CHD8: variants seen among roughly 807,000 people sequenced by gnomAD.
CHD8 encodes the protein ATP-dependent chromatin remodeler CHD8.
CHD8 carries 31 observed loss-of-function variants against 279.2 expected under a neutral mutation model. That is an observed-to-expected ratio of 0.11 (90% CI 0.08 to 0.15). CHD8 has a LOEUF of 0.15. CHD8 is among the 10% of genes least tolerant of loss of function. The pLI is 1.00. For missense variants in CHD8, 2,146 were observed against 3,230.5 expected (o/e 0.66, Z 8.14); for synonymous variants, 1,081 against 1,139.6 (o/e 0.95, Z 1.04).
In CHD8 at chr14:21,408,497, A is replaced by C. The variant is rs1594351102; in HGVS notation, c.2545T>G (p.Phe849Val). Residue 849 changes from phenylalanine to valine, a missense_variant, in exon 13 of 38, where the codon TTC becomes GTC. By Grantham distance (50) the Phe-to-Val change is conservative (BLOSUM62 -1). Transcript: ENST00000646647. The surrounding 1 kb of genome is among the most constrained non-coding windows in gnomAD (Gnocchi z 4.3). ...CCCACATTATATACTTCCTGCAAGAAGGCAATGGACTGAATAGTTTTGCCC... is the reference window on the plus strand; with the variant it reads ...CCCACATTATATACTTCCTGCAAGACGGCAATGGACTGAATAGTTTTGCCC... ...GLGKTIQSIA[F>V]LQEVYNVGIH... is the part of the protein sequence containing the mutation. The C allele has an allele frequency of 6.2e-7, 1 of 1,613,984 alleles. No individual in the cohort carries two copies.
chr14:21,394,509 C>T, intron 30 of CHD8, 24 bp from the exon 31 acceptor site: 2 of 1,349,396 alleles, frequency 1.5e-6, no homozygotes, highest in Non-Finnish European at 2.0e-6. Context: ...AGTAGGGCAA[C>T]AATAATCAGA....
rs766694680 is a variant in CHD8, at chr14:21,390,979, C to T, written c.7150G>A (p.Val2384Ile). The part of the protein sequence containing the change: ...AELNCLGMEP[V>I]QTANSRNGKK... ...CCATTTCTAGAGTTAGCTGTCTGTA[C>T]TGGTTCCATTCCCAAACAGTTCAAT... The change falls in exon 37 of 38, where the codon GTA becomes ATA. Residue 2384 changes from valine (V) to isoleucine (I), a missense_variant. Transcript: ENST00000646647. The T allele has an allele frequency of 3.1e-6, 5 of 1,603,928 alleles. No individual in the cohort carries two copies. The highest frequency in any genetic ancestry group is 3.4e-5 in the Admixed American group (2 of 58,872).
rs1085307545 is a variant in CHD8, at chr14:21,414,344, C to T, written c.2099G>A (p.Arg700His). Residue 700 changes from arginine to histidine, a missense_variant, in exon 9 of 38, where the codon CGC becomes CAC. By Grantham distance (29) the Arg-to-His change is conservative. Around this residue, in one of 26 missense-constraint regions of CHD8, gnomAD observed 211 missense variants for 464.7 expected, o/e 0.45. Coordinates refer to ENST00000646647, the MANE Select transcript of CHD8 (RefSeq NM_001170629.2). ...CATCTGAGCCATTTTGGTTTTGAAG[C>T]GCTTTAATTTTTGATGTATCCTCTT... ...KDKRIHQKLKRFKTKMAQMRH... is the reference protein window; with the variant it reads ...KDKRIHQKLKHFKTKMAQMRH... 2 of 1,575,654 alleles carry T rather than the reference C, an allele frequency of 1.3e-6. No homozygotes were observed. Among genetic ancestry groups the T allele is most frequent in the Non-Finnish European group, 1.7e-6 (2 of 1,157,886 alleles).
Position 21,428,142 on chromosome 14 carries a change from T to C in CHD8, c.1328A>G (p.Lys443Arg), listed in dbSNP as rs1482538518. Residue 443 changes from lysine to arginine, a missense_variant, in exon 4 of 38, where the codon AAG becomes AGG. Lys to Arg is a conservative substitution (Grantham distance 26, BLOSUM62 2). Coordinates refer to ENST00000646647, the MANE Select transcript of CHD8 (RefSeq NM_001170629.2). ...TCTGCGGTTTTCCTCCATTCCTGTCTTTCCCCCCGAATGAGGAGCAGAGCT... is the reference window on the plus strand; with the variant it reads ...TCTGCGGTTTTCCTCCATTCCTGTCCTTCCCCCCGAATGAGGAGCAGAGCT... ...PASSAPHSGG[K>R]TGMEENRRLE... 2 of 1,613,898 alleles carry C rather than the reference T, an allele frequency of 1.2e-6. No homozygotes were observed. The highest frequency in any genetic ancestry group is 2.2e-5 in the East Asian group (1 of 44,900).
rs1889568365 is a variant in CHD8, at chr14:21,431,647, G to A, written c.-4C>T. The A allele has an allele frequency of 6.5e-7, 1 of 1,547,444 alleles. No individual in the cohort carries two copies. The highest frequency in any genetic ancestry group is 1.2e-5 in the South Asian group (1 of 84,974). On this transcript the variant is annotated 5_prime_UTR_variant, in exon 2 of 38. Transcript: ENST00000646647. ...GATCCATGATGGGGTCTGCCATCTT[G>A]GGAAAGTAATGGAGGGTACTTCTCC...
chr14:21,453,956 C>G (rs1890316509), intron 1 of CHD8, among the ~76,000 whole-genome samples: 1 of 151,310 alleles, frequency 6.6e-6, no homozygotes, highest in Non-Finnish European at 1.5e-5. Flanking sequence ...AAGTTCAAGA[C>G]CAGCCTAGCC....
chr14:21,390,940 C>G lies in CHD8; in HGVS notation c.7182+7G>C. The G allele has an allele frequency of 2.1e-6, 3 of 1,462,198 alleles. No homozygotes were observed. In the East Asian group the frequency reaches 6.9e-5, roughly 33 times the overall value. The allele number at this position is 1,462,198 out of a possible 1,614,324, so 90.6% of individuals were successfully genotyped here. On this transcript the variant is annotated splice_region_variant and intron_variant, in intron 37 of 37. Coordinates refer to ENST00000646647, the MANE Select transcript of CHD8 (RefSeq NM_001170629.2). ...GAATAGAGTGGTAATGCTGCAATTT[C>G]TCTCACCTTTTTCCCATTTCTAGAG... is the stretch of plus-strand genomic sequence containing the variant.
intron 27 of CHD8, chr14:21,397,422 G>A (rs1887837354): frequency 1.9e-6 from 1 of 512,916 alleles, no homozygotes; most frequent in African/African-American, 1.9e-5. Flanking sequence ...GGCAAAATAA[G>A]TACCTTTATG....
intron 5 of CHD8, among the ~76,000 whole-genome samples, chr14:21,418,357 A>G (rs1347633023): frequency 1.3e-5 from 2 of 151,762 alleles, no homozygotes; most frequent in Non-Finnish European, 2.9e-5. Flanking sequence ...GTCTCTACTA[A>G]AAATACAAAA....
Position 21,431,232 on chromosome 14 carries a change from C to T in CHD8, c.412G>A (p.Val138Ile). ...ILSQGNPFMG[V>I]SATAVSSSSA... ...CTGGAGGAGACAGCTGTGGCAGAGA[C>T]ACCCATGAAAGGATTCCCTTGGCTC... is the stretch of plus-strand genomic sequence containing the variant. Residue 138 changes from valine (V) to isoleucine (I), a missense_variant, in exon 2 of 38, where the codon GTC (valine) becomes ATC (isoleucine). Physicochemically the swap from Val to Ile is conservative, Grantham distance 29 (BLOSUM62 3). Around this residue, in one of 26 missense-constraint regions of CHD8, gnomAD observed 302 missense variants for 325.5 expected, o/e 0.93. Transcript: ENST00000646647. The T allele has an allele frequency of 6.3e-7, 1 of 1,598,776 alleles. No homozygotes were observed. Among genetic ancestry groups the T allele is most frequent in the South Asian group, 1.1e-5 (1 of 90,902 alleles).
At chr14:21,437,173 G>T in intron 1 of CHD8, 1 of 1,118,066 alleles carries the variant, frequency 8.9e-7, no homozygotes, top group Non-Finnish European at 1.1e-6. Flanking sequence ...TCACCCCAGT[G>T]GAGGAGAGAG....
chr14:21,425,134 T>C (rs1889251436), intron 5 of CHD8, among the ~76,000 whole-genome samples: 2 of 152,082 alleles, frequency 1.3e-5, no homozygotes, highest in Admixed American at 1.3e-4. Flanking sequence ...GCAAGAAACT[T>C]TGTGCCTAAC....
intron 27 of CHD8, chr14:21,397,488 C>T: frequency 4.9e-6 from 2 of 408,702 alleles, no homozygotes; most frequent in Non-Finnish European, 1.0e-5. Context: ...AAGGCTCTTC[C>T]ACAGAAGCAA....
intron 28 of CHD8, chr14:21,395,576 G>A (rs1454022249): frequency 3.1e-5 from 18 of 589,378 alleles, no homozygotes; most frequent in Non-Finnish European, 5.4e-5. Context: ...GATAATAGAA[G>A]TCAGGAATTT....
chr14:21,402,965 G>T lies in CHD8; in HGVS notation c.3714+52C>A. On this transcript the variant is annotated intron_variant, in intron 18 of 37. Transcript: ENST00000646647. The surrounding 1 kb of genome is among the most constrained non-coding windows in gnomAD (Gnocchi z 4.5). ...CTTTCTAAAAGATCCTATTCTTGTT[G>T]AAAAATCTCCCAAGTTAGGTAGTTA... 6.8e-7 allele frequency: 1 copy of T among 1,460,228 alleles called. No individual in the cohort carries two copies. The highest frequency in any genetic ancestry group is 9.4e-7 in the Non-Finnish European group (1 of 1,061,958). The allele number at this position is 1,460,228 out of a possible 1,614,324, so 90.5% of individuals were successfully genotyped here.
Position 21,393,955 on chromosome 14 carries a change from C to CAG in CHD8, c.5838_5839dup (p.Cys1947SerfsTer17). The CAG allele has an allele frequency of 6.2e-7, 1 of 1,613,982 alleles. No individual in the cohort carries two copies. Among genetic ancestry groups the CAG allele is most frequent in the Non-Finnish European group, 8.5e-7 (1 of 1,179,894 alleles). ...GAAGTCTGGGTCCTGCATGATGTTG[C>CAG]AGTCTGTTTGGCTCACCCCATGGCG... is the stretch of plus-strand genomic sequence containing the variant. On this transcript the variant is annotated frameshift_variant, in exon 32 of 38. Transcript: ENST00000646647. LOFTEE classifies it high-confidence loss of function.
intron 30 of CHD8, 103 bp from the exon 31 acceptor site, chr14:21,394,588 A>C (rs1314351429): frequency 2.8e-6 from 2 of 710,196 alleles, no homozygotes; most frequent in African/African-American, 3.7e-5. Flanking sequence ...TGAAAACACA[A>C]AAATTGAAAG....
Position 21,427,979 on chromosome 14 carries a change from T to C in CHD8, c.1491A>G (p.Glu497=), listed in dbSNP as rs767511854. 15 of 1,613,960 alleles carry C rather than the reference T, an allele frequency of 9.3e-6. No homozygotes were observed. The East Asian group carries it at 3.3e-4, about 36-fold the overall frequency. ...TCTTCTTCCTGCGTTTCTTCTCGCC[T>C]TCCTCCTCTGGCCGAACGCTGGGCA... ...DELPSVRPEE[E]GEKKRRKKSA... is the part of the protein sequence containing the mutation. Residue 497 remains glutamate, a synonymous_variant, in exon 4 of 38, where the codon GAA becomes GAG. Coordinates refer to ENST00000646647, the MANE Select transcript of CHD8 (RefSeq NM_001170629.2).
intron 1 of CHD8, chr14:21,437,043 G>A: frequency 2.1e-6 from 2 of 930,964 alleles, no homozygotes; most frequent in Non-Finnish European, 3.0e-6. Context: ...GGGTGGGGAT[G>A]GCCAAGACGG....
Sources: allele counts gnomAD v4.1 joint callset (sites outside exome capture counted in the v4.1 genomes callset), GRCh38; gene constraint gnomAD v4.1.1; regional missense constraint gnomAD v4.1.1; non-coding constraint Gnocchi (gnomAD v3.1); transcripts MANE v1.5; gene names NCBI Gene and HGNC (gene_info 2026-07-23, HGNC 2026-07-21).